CNTNAP4: variants seen among roughly 807,000 people sequenced by gnomAD.
CNTNAP4 encodes contactin-associated protein-like 4.
A neutral mutation model predicts 148.4 loss-of-function variants in CNTNAP4; 98 were observed. The observed-to-expected ratio is 0.66, with a 90% CI of 0.56 to 0.78. The LOEUF (loss-of-function observed/expected upper bound fraction) is 0.78, where lower values mean the gene tolerates loss of function less well. Ranked by LOEUF, CNTNAP4 falls within the 30% of genes least tolerant of loss-of-function variation. The pLI is 0.00. For synonymous variants in CNTNAP4, 730 were observed against 565.1 expected, an observed-to-expected ratio of 1.29 and a Z score of -4.14; for missense variants, 1,935 against 1,565.6, an observed-to-expected ratio of 1.24 and a Z score of -3.98.
intron 3 of CNTNAP4, among the ~76,000 whole-genome samples, chr16:76,360,814 C>CG (rs1322057002): frequency 7.8e-6 from 1 of 127,694 alleles, no homozygotes; most frequent in African/African-American, 3.0e-5. Flanking sequence ...AACATGGCTG[C>CG]ATTTTTTTTT....
intron 3 of CNTNAP4, among the ~76,000 whole-genome samples, chr16:76,410,374 A>G (rs954132816): frequency 2.5e-4 from 38 of 151,796 alleles, no homozygotes; most frequent in African/African-American, 8.9e-4. Context: ...GAGAACATGT[A>G]TTAAAGCCTT....
chr16:76,449,060 C>T (rs1252900792), intron 6 of CNTNAP4, 109 bp downstream of exon 6: 1 of 1,022,150 alleles, frequency 9.8e-7, no homozygotes, highest in Non-Finnish European at 1.5e-6. Context: ...AATCATAGAA[C>T]AGGTGAAGCA....
intron 1 of CNTNAP4, among the ~76,000 whole-genome samples, chr16:76,301,805 T>C (rs1567627884): frequency 6.6e-6 from 1 of 152,110 alleles, no homozygotes; most frequent in Non-Finnish European, 1.5e-5. Flanking sequence ...GGAAGTGGCA[T>C]GATCTAAGGC....
At chr16:76,284,363 A>C (rs1958801181) in intron 1 of CNTNAP4, among the ~76,000 whole-genome samples, 1 of 151,936 alleles carries the variant, frequency 6.6e-6, no homozygotes. Flanking sequence ...TGTAGCATCA[A>C]ATGCTAATAT....
intron 1 of CNTNAP4, among the ~76,000 whole-genome samples, chr16:76,313,141 C>A (rs1238041860): frequency 6.6e-6 from 1 of 152,048 alleles, no homozygotes; most frequent in East Asian, 1.9e-4. Context: ...TGTTTTAATT[C>A]CACTCTTTTA....
At chr16:76,537,476 C>G (rs1344547509) in intron 18 of CNTNAP4, among the ~76,000 whole-genome samples, 2 of 151,866 alleles carry the variant, frequency 1.3e-5, no homozygotes, top group Non-Finnish European at 2.9e-5. Flanking sequence ...GAGAGGAAGA[C>G]AGAGAGAATT....
chr16:76,354,786 T>A (rs140526581), intron 2 of CNTNAP4, among the ~76,000 whole-genome samples: 1 of 152,324 alleles, frequency 6.6e-6, no homozygotes, highest in Non-Finnish European at 1.5e-5. Flanking sequence ...CATCTGTCCC[T>A]CCCAAAAGAC....
At chr16:76,498,732 A>T in intron 15 of CNTNAP4, 38 bp downstream of exon 15, 1 of 1,545,004 alleles carries the variant, frequency 6.5e-7, no homozygotes, top group Non-Finnish European at 8.7e-7. Flanking sequence ...TATTTGAGAA[A>T]AGAACCATGA....
At chr16:76,381,131 C>T (rs2015921144) in intron 3 of CNTNAP4, among the ~76,000 whole-genome samples, 1 of 152,138 alleles carries the variant, frequency 6.6e-6, no homozygotes, top group Non-Finnish European at 1.5e-5. Flanking sequence ...ACACTATCTT[C>T]CTCTAGATAG....
chr16:76,494,533 C>T (rs935574140), intron 13 of CNTNAP4, among the ~76,000 whole-genome samples: 9 of 151,964 alleles, frequency 5.9e-5, no homozygotes, highest in Non-Finnish European at 1.0e-4. Flanking sequence ...ATCAATTTTG[C>T]TTTGGTATGT....
At chr16:76,469,291 T>C (rs1337789143) in intron 10 of CNTNAP4, among the ~76,000 whole-genome samples, 1 of 152,196 alleles carries the variant, frequency 6.6e-6, no homozygotes, top group Non-Finnish European at 1.5e-5. Flanking sequence ...ACTGGCTAGA[T>C]TTGGGGATTG....
At chr16:76,517,125 A>G (rs2083282632) in intron 15 of CNTNAP4, among the ~76,000 whole-genome samples, 1 of 152,180 alleles carries the variant, frequency 6.6e-6, no homozygotes, top group Non-Finnish European at 1.5e-5. Flanking sequence ...TGCATATTTT[A>G]TGCTTTTATT....
intron 1 of CNTNAP4, among the ~76,000 whole-genome samples, chr16:76,313,018 C>T (rs985718139): frequency 6.6e-6 from 1 of 152,110 alleles, no homozygotes; most frequent in Non-Finnish European, 1.5e-5. Context: ...TGCCATGTAA[C>T]CACCAAGGCC....
intron 17 of CNTNAP4, among the ~76,000 whole-genome samples, chr16:76,532,031 C>G (rs2084005661): frequency 6.6e-6 from 1 of 152,126 alleles, no homozygotes; most frequent in Non-Finnish European, 1.5e-5. Context: ...TTCTTCTTTA[C>G]TGTGTATTTA....
chr16:76,409,457 T>C (rs1568046620), intron 3 of CNTNAP4, among the ~76,000 whole-genome samples: 1 of 151,982 alleles, frequency 6.6e-6, no homozygotes, highest in Non-Finnish European at 1.5e-5. Flanking sequence ...AAAATGTTGA[T>C]CAACCAATCT....
intron 2 of CNTNAP4, among the ~76,000 whole-genome samples, chr16:76,346,938 T>C (rs755913258): frequency 6.6e-6 from 1 of 152,188 alleles, no homozygotes; most frequent in Non-Finnish European, 1.5e-5. Context: ...CAGTTTGCCA[T>C]GAGGGAATAT....
intron 4 of CNTNAP4, among the ~76,000 whole-genome samples, chr16:76,429,997 A>G (rs2079553525): frequency 6.6e-6 from 1 of 152,188 alleles, no homozygotes; most frequent in African/African-American, 2.4e-5. Context: ...AACTTAATGG[A>G]TAAACATTCT....
chr16:76,463,036 C>A (rs970088158), intron 9 of CNTNAP4, among the ~76,000 whole-genome samples: 4 of 152,000 alleles, frequency 2.6e-5, no homozygotes, highest in Non-Finnish European at 5.9e-5. Flanking sequence ...AACAAACAAA[C>A]AAAAAAACTG....
chr16:76,354,788 C>T (rs1024392715), intron 2 of CNTNAP4, among the ~76,000 whole-genome samples: 1 of 152,174 alleles, frequency 6.6e-6, no homozygotes, highest in Admixed American at 6.5e-5. Flanking sequence ...TCTGTCCCTC[C>T]CAAAAGACTG....
Sources: allele counts gnomAD v4.1 joint callset (sites outside exome capture counted in the v4.1 genomes callset), GRCh38; gene constraint gnomAD v4.1.1; transcripts MANE v1.5; gene names NCBI Gene and HGNC (gene_info 2026-07-23, HGNC 2026-07-21).